Variants in SLC36A2 observed in about 807,000 individuals in gnomAD.
The protein encoded by SLC36A2 is proton-coupled amino acid transporter 2.
Under a neutral mutation model 42.7 loss-of-function variants are expected in SLC36A2, and 39 were observed. The observed-to-expected ratio is 0.91, with a 90% CI of 0.71 to 1.19. SLC36A2 has a LOEUF of 1.19. SLC36A2 is among the 50% of genes most tolerant of loss of function. SLC36A2 has a pLI of 0.00. For synonymous variants in SLC36A2, 237 were observed against 240.8 expected, an observed-to-expected ratio of 0.98 and a Z score of 0.15; for missense variants, 590 against 613.7, an observed-to-expected ratio of 0.96 and a Z score of 0.41.
At chr5:151,332,334 C>A in intron 7 of SLC36A2, 1 of 442,220 alleles carries the variant, frequency 2.3e-6, no homozygotes, top group Non-Finnish European at 4.5e-6. Flanking sequence ...TAAAAATAAG[C>A]AAAGGACTTG....
At chr5:151,325,035 G>A (rs780483512) in intron 8 of SLC36A2, 1 of 532,576 alleles carries the variant, frequency 1.9e-6, no homozygotes, top group Non-Finnish European at 3.4e-6. Flanking sequence ...GCTCTCACTT[G>A]TGTCCTCTCT....
At chr5:151,334,373 T>G (rs1201806807) in intron 6 of SLC36A2, among the ~76,000 whole-genome samples, 1 of 151,894 alleles carries the variant, frequency 6.6e-6, no homozygotes, top group African/African-American at 2.4e-5. Context: ...GACTTAACTT[T>G]CTATGTAGTG....
chr5:151,317,093 A>G lies in SLC36A2; in HGVS notation c.1181-5T>C, dbSNP rs190486100. 232 of 1,613,896 alleles carry G rather than the reference A, an allele frequency of 1.4e-4. 2 individuals carry two copies. In the East Asian group the frequency reaches 4.5e-3, roughly 31 times the overall value. On this transcript the variant is annotated splice_polypyrimidine_tract_variant and splice_region_variant and intron_variant, in intron 9 of 9. Coordinates refer to ENST00000335244, the MANE Select transcript of SLC36A2 (RefSeq NM_181776.3). ...GGATGAGGATGGCCAGGAGGCCTGC[A>G]GGGAGAGGATAGTGGAGAGATGGAG...
chr5:151,339,170 G>T, intron 4 of SLC36A2, 26 bp from the exon 5 acceptor site: 1 of 1,558,086 alleles, frequency 6.4e-7, no homozygotes. Context: ...GAGGGAAAAA[G>T]AAAACTTGTT....
intron 2 of SLC36A2, 149 bp from the exon 3 acceptor site, chr5:151,343,747 C>T (rs1484907262): frequency 2.0e-5 from 13 of 664,766 alleles, no homozygotes. Flanking sequence ...GTAGCAGCAA[C>T]AGCTATTCTT....
Position 151,343,542 on chromosome 5 carries a change from G to A in SLC36A2, c.312C>T (p.Ile104=), listed in dbSNP as rs867220073. Residue 104 remains isoleucine (I), a synonymous_variant, in exon 3 of 10, where the codon ATC becomes ATT. Coordinates refer to ENST00000335244, the MANE Select transcript of SLC36A2 (RefSeq NM_181776.3). ...AGAAGCGCTGGGCACACTTGACCAG[G>A]ATGTGCATACAGTGGCAGGCAATGA... ...MGFIACHCMH[I]LVKCAQRFCK... The A allele has an allele frequency of 3.7e-6, 6 of 1,614,100 alleles. No individual in the cohort carries two copies. In the Middle Eastern group the frequency reaches 4.9e-4, roughly 133 times the overall value.
At position 151,344,188 on chromosome 5, in the gene SLC36A2, C is replaced by T. The variant is rs374963069; in HGVS notation, c.244G>A (p.Ala82Thr). 98 of 1,613,932 alleles carry T rather than the reference C, an allele frequency of 6.1e-5. 1 individual carries two copies. In the Middle Eastern group the frequency reaches 1.5e-3, roughly 24 times the overall value. ...GGCGCCTCTCTTACCAGGATGCCCG[C>T]GTTCTTCACAGCGAGGGGTAGTCCC... ...ILGLPLAVKNAGILMGPLSLL... is the reference protein window; with the variant it reads ...ILGLPLAVKNTGILMGPLSLL... Residue 82 changes from alanine (A) to threonine (T), a missense_variant, in exon 2 of 10, where the codon GCG becomes ACG. Coordinates refer to ENST00000335244, the MANE Select transcript of SLC36A2 (RefSeq NM_181776.3).
At chr5:151,338,706 C>A in intron 5 of SLC36A2, 1 of 205,484 alleles carries the variant, frequency 4.9e-6, no homozygotes, top group Non-Finnish European at 9.9e-6. Context: ...AGAAAGATGA[C>A]CTAAAGAAGA....
rs1237220728 is a variant in SLC36A2, at chr5:151,343,723, T to C, written c.256-125A>G. On this transcript the variant is annotated intron_variant, in intron 2 of 9. Transcript: ENST00000335244. ...TCAAAGAACTCTCTAGCAAACTGGG[T>C]TTAAAGCCCTTTTGTAGCAGCAACA... 3.9e-6 allele frequency: 3 copies of C among 763,978 alleles called. No homozygotes were observed. The African/African-American group carries it at 5.2e-5, about 13-fold the overall frequency. 47.3% of individuals were successfully genotyped at this position (763,978 alleles called of 1,614,324 possible).
At chr5:151,326,772 A>T (rs1032104416) in intron 7 of SLC36A2, among the ~76,000 whole-genome samples, 1 of 149,370 alleles carries the variant, frequency 6.7e-6, no homozygotes, top group Admixed American at 6.7e-5. Context: ...TATTTAGCTG[A>T]TCTGTTTTCT....
In SLC36A2 at chr5:151,315,271, T is replaced by C. The variant is rs1490608558; in HGVS notation, c.*1546A>G. ...CTGATGCATAGGTTATTACCAAACC[T>C]CTGACTGCATCACATTTACTAATGT... On this transcript the variant is annotated 3_prime_UTR_variant, in exon 10 of 10. Coordinates refer to ENST00000335244, the MANE Select transcript of SLC36A2 (RefSeq NM_181776.3). The C allele has an allele frequency of 6.6e-6, 1 of 152,648 alleles. No homozygotes were observed. The highest frequency in any genetic ancestry group is 1.9e-4 in the East Asian group (1 of 5,200). The allele number at this position is 152,648 out of a possible 1,614,324, so 9.5% of individuals were successfully genotyped here.
intron 5 of SLC36A2, among the ~76,000 whole-genome samples, chr5:151,336,316 C>A (rs191936147): frequency 6.6e-6 from 1 of 152,116 alleles, no homozygotes; most frequent in Admixed American, 6.6e-5. Flanking sequence ...AGATTAATTC[C>A]GATAGTGGAG....
At chr5:151,337,836 G>C (rs1196562894) in intron 5 of SLC36A2, among the ~76,000 whole-genome samples, 1 of 152,136 alleles carries the variant, frequency 6.6e-6, no homozygotes, top group Non-Finnish European at 1.5e-5. Context: ...TAAATATAAG[G>C]ATATTGCAAA....
At chr5:151,333,343 A>T (rs1166480451) in intron 6 of SLC36A2, 21 bp from the exon 7 acceptor site, 1 of 1,596,820 alleles carries the variant, frequency 6.3e-7, no homozygotes. Context: ...AAGAAATGCT[A>T]TGAGACAGTC....
chr5:151,331,606 C>T (rs1384254257), intron 7 of SLC36A2, among the ~76,000 whole-genome samples: 1 of 151,972 alleles, frequency 6.6e-6, no homozygotes, highest in Non-Finnish European at 1.5e-5. Context: ...GTGTGAGCCA[C>T]CATATCTAGA....
intron 1 of SLC36A2, 65 bp downstream of exon 1, chr5:151,347,232 G>T: frequency 6.3e-7 from 1 of 1,597,116 alleles, no homozygotes; most frequent in Non-Finnish European, 8.6e-7. Flanking sequence ...CCCACCTCAG[G>T]GTTTTTGCCA....
At chr5:151,324,141 T>TTTTGTTTG (rs543165815) in intron 8 of SLC36A2, among the ~76,000 whole-genome samples, 1 of 151,868 alleles carries the variant, frequency 6.6e-6, no homozygotes, top group Non-Finnish European at 1.5e-5. Context: ...TCCCAAATTG[T>TTTTGTTTG]TTTGTTTGTT....
In SLC36A2 at chr5:151,316,893, G is replaced by A. The variant is rs1272941028; in HGVS notation, c.1376C>T (p.Thr459Ile). The change falls in exon 10 of 10, where the codon ACC (threonine) becomes ATC (isoleucine). Residue 459 changes from threonine (T) to isoleucine (I), a missense_variant. Physicochemically the swap from Thr to Ile is moderately conservative, Grantham distance 89. Transcript: ENST00000335244. ...GAGCAGCTCGTCCAGGGCCTGGTAG[G>A]TCCCCACCACAAAGCCCACGAAGCC... Reference protein sequence around the residue: ...ILGFVGFVVGTYQALDELLKS... With the variant: ...ILGFVGFVVGIYQALDELLKS... 2 of 1,614,040 alleles carry A rather than the reference G, an allele frequency of 1.2e-6. No homozygotes were observed. The highest frequency in any genetic ancestry group is 1.7e-6 in the Non-Finnish European group (2 of 1,180,024).
chr5:151,322,259 C>A, intron 8 of SLC36A2, 44 bp from the exon 9 acceptor site: 1 of 1,606,070 alleles, frequency 6.2e-7, no homozygotes, highest in Non-Finnish European at 8.5e-7. Context: ...CCACTGTGTT[C>A]TGACACTGGC....
Sources: allele counts gnomAD v4.1 joint callset (sites outside exome capture counted in the v4.1 genomes callset), GRCh38; gene constraint gnomAD v4.1.1; transcripts MANE v1.5; gene names NCBI Gene and HGNC (gene_info 2026-07-23, HGNC 2026-07-21).